The following CTTNBP2 variants were observed in gnomAD, a reference collection of about 807,000 sequenced individuals.
CTTNBP2 encodes cortactin binding protein 2, also known as cortactin-binding protein 2.
A neutral mutation model predicts 156.9 loss-of-function variants in CTTNBP2; 108 were observed. That is an observed-to-expected ratio of 0.69 (90% CI 0.59 to 0.81). The LOEUF is 0.81. Ranked by LOEUF, CTTNBP2 falls within the 30% of genes least tolerant of loss-of-function variation. The probability of loss-of-function intolerance (pLI) is 0.00; values close to 1 mark genes in which losing one functional copy is unlikely to be tolerated. For synonymous variants in CTTNBP2, 767 were observed against 751.8 expected (o/e 1.02, Z -0.33); for missense variants, 1,924 against 2,035.4 (o/e 0.95, Z 1.05).
At chr7:117,843,574 C>A (rs1802398816) in intron 2 of CTTNBP2, among the ~76,000 whole-genome samples, 1 of 152,068 alleles carries the variant, frequency 6.6e-6, no homozygotes, top group Admixed American at 6.6e-5. Context: ...AGGAATGATG[C>A]TAAGAAGCAA....
chr7:117,865,550 C>T (rs771285738), intron 1 of CTTNBP2, among the ~76,000 whole-genome samples: 1 of 150,330 alleles, frequency 6.7e-6, no homozygotes, highest in Non-Finnish European at 1.5e-5. Flanking sequence ...GTGGCATGCA[C>T]CTGTAGTCCC....
chr7:117,855,613 C>T (rs6976111), intron 2 of CTTNBP2, among the ~76,000 whole-genome samples: 3 of 152,016 alleles, frequency 2.0e-5, no homozygotes, highest in African/African-American at 4.8e-5. Context: ...CAGCTCCCCC[C>T]AAACAGCAAA....
intron 14 of CTTNBP2, among the ~76,000 whole-genome samples, chr7:117,742,633 G>A (rs1277540432): frequency 2.0e-5 from 3 of 152,066 alleles, no homozygotes; most frequent in Admixed American, 6.5e-5. Flanking sequence ...AAGTAAGATG[G>A]TGCTGATGGA....
At chr7:117,865,019 A>G (rs1044690286) in intron 1 of CTTNBP2, among the ~76,000 whole-genome samples, 1 of 149,196 alleles carries the variant, frequency 6.7e-6, no homozygotes, top group Admixed American at 6.7e-5. Flanking sequence ...TCTTAGATGC[A>G]TATGGTACAA....
At chr7:117,740,480 C>G (rs1394337310) in intron 14 of CTTNBP2, among the ~76,000 whole-genome samples, 1 of 152,128 alleles carries the variant, frequency 6.6e-6, no homozygotes, top group Non-Finnish European at 1.5e-5. Flanking sequence ...TAGTTTAAGG[C>G]TCTCTCTTTA....
rs373037834 is a variant in CTTNBP2 at position 117,791,546 on chromosome 7, T to C, written c.1650A>G (p.Pro550=). 2.5e-5 allele frequency: 40 copies of C among 1,614,022 alleles called. No homozygotes were observed. The highest frequency in any genetic ancestry group is 3.1e-5 in the Non-Finnish European group (37 of 1,180,024). The change falls in exon 4 of 23, where the codon CCA becomes CCG. Residue 550 remains proline (P), a synonymous_variant. Coordinates refer to ENST00000160373, the MANE Select transcript of CTTNBP2 (RefSeq NM_033427.3). ...GTGGAGAAGGAGTTTGGGAGAGCCC[T>C]GGCTTTTTTGGAGGGATAGGAGGAG... ...GNPPPIPPKK[P]GLSQTPSPPH... is the part of the protein sequence containing the mutation.
At chr7:117,724,814 ACTGTTC>A in intron 18 of CTTNBP2, 82 bp from the exon 19 acceptor site, 1 of 1,486,350 alleles carries the variant, frequency 6.7e-7, no homozygotes, top group Non-Finnish European at 9.2e-7. Context: ...AAAGATACGG[ACTGTTC>A]AAAATAATGC....
At chr7:117,866,451 A>G (rs1242598172) in intron 1 of CTTNBP2, among the ~76,000 whole-genome samples, 1 of 152,140 alleles carries the variant, frequency 6.6e-6, no homozygotes, top group Non-Finnish European at 1.5e-5. Context: ...TGGTGACCAA[A>G]CACAAACTCA....
At chr7:117,819,367 T>TCTCTCTCTCTCA (rs1236694379) in intron 2 of CTTNBP2, among the ~76,000 whole-genome samples, 2 of 130,610 alleles carry the variant, frequency 1.5e-5, no homozygotes, top group Non-Finnish European at 3.4e-5. Flanking sequence ...TCTCTCTCTC[T>TCTCTCTCTCTCA]CACACACACA....
intron 7 of CTTNBP2, among the ~76,000 whole-genome samples, chr7:117,780,052 G>A (rs923573423): frequency 1.3e-5 from 2 of 152,218 alleles, no homozygotes; most frequent in Non-Finnish European, 2.9e-5. Context: ...GAGCCACCAC[G>A]CCCAGCCACA....
chr7:117,725,142 G>T lies in CTTNBP2; in HGVS notation c.4171C>A (p.Pro1391Thr). The T allele has an allele frequency of 6.2e-7, 1 of 1,613,602 alleles. No individual in the cohort carries two copies. Among genetic ancestry groups the T allele is most frequent in the Non-Finnish European group, 8.5e-7 (1 of 1,180,010 alleles). Residue 1391 changes from proline (P) to threonine (T), a missense_variant, in exon 18 of 23, where the codon CCT becomes ACT. Transcript: ENST00000160373. ...ACCACAGCCTGCTGTCCTTGGCTAG[G>T]GTGTCTTTTAGCAGTTGTCTGCCCA... Reference protein sequence around the residue: ...GFGQTTAKRHPSQGQQAVVKA... With the variant: ...GFGQTTAKRHTSQGQQAVVKA...
intron 8 of CTTNBP2, among the ~76,000 whole-genome samples, chr7:117,773,329 AGT>A (rs1432916605): frequency 6.6e-6 from 1 of 152,226 alleles, no homozygotes; most frequent in East Asian, 1.9e-4. Flanking sequence ...TGGCTGCTAC[AGT>A]GTGAGTAGAA....
chr7:117,873,248 G>T, intron 1 of CTTNBP2, 87 bp downstream of exon 1: 4 of 1,044,470 alleles, frequency 3.8e-6, no homozygotes, highest in Non-Finnish European at 5.0e-6. Context: ...CGCCCCGGGG[G>T]TGCGAAGTCG....
At chr7:117,770,672 G>A (rs1221790696) in intron 8 of CTTNBP2, among the ~76,000 whole-genome samples, 1 of 152,222 alleles carries the variant, frequency 6.6e-6, no homozygotes, top group Admixed American at 6.5e-5. Flanking sequence ...TCAGGGAGGA[G>A]TGCAAAGTGT....
Position 117,792,005 on chromosome 7 carries a change from G to C in CTTNBP2, c.1191C>G (p.Ser397Arg), listed in dbSNP as rs1417546217. The change falls in exon 4 of 23, where the codon AGC becomes AGG. Residue 397 changes from serine to arginine, a missense_variant. Transcript: ENST00000160373. The surrounding 1 kb of genome is among the most constrained non-coding windows in gnomAD (Gnocchi z 4.2). ...STGSTPDPTS[S>R]TPPLPSNAAP... ...CAGCGTTACTGGGAAGTGGGGGTGTGCTACTGGTTGGATCTGGTGTTGAGC... is the reference window on the plus strand; with the variant it reads ...CAGCGTTACTGGGAAGTGGGGGTGTCCTACTGGTTGGATCTGGTGTTGAGC... 2 of 1,614,124 alleles carry C rather than the reference G, an allele frequency of 1.2e-6. No homozygotes were observed. Among genetic ancestry groups the C allele is most frequent in the Admixed American group, 3.3e-5 (2 of 60,010 alleles).
At chr7:117,761,871 C>A (rs36026875) in intron 9 of CTTNBP2, among the ~76,000 whole-genome samples, 15,253 of 152,114 alleles carry the variant, frequency 0.1, 1,150 homozygotes, top group African/African-American at 0.21. Flanking sequence ...TGTTTTAAAA[C>A]AACATGTGTT....
intron 2 of CTTNBP2, among the ~76,000 whole-genome samples, chr7:117,813,983 T>C (rs2116985571): frequency 6.6e-6 from 1 of 152,334 alleles, no homozygotes; most frequent in East Asian, 1.9e-4. Flanking sequence ...TTATGATGAG[T>C]TATCTGCTGA....
At chr7:117,862,699 G>A (rs541194524) in intron 1 of CTTNBP2, among the ~76,000 whole-genome samples, 9 of 152,084 alleles carry the variant, frequency 5.9e-5, no homozygotes, top group Non-Finnish European at 1.2e-4. Context: ...CTGTAGACTC[G>A]CCCTCAGAAG....
At chr7:117,783,459 T>A (rs1798540773) in intron 5 of CTTNBP2, among the ~76,000 whole-genome samples, 1 of 152,214 alleles carries the variant, frequency 6.6e-6, no homozygotes, top group Non-Finnish European at 1.5e-5. Flanking sequence ...TGAATGAGGC[T>A]AAAGGACAGC....
Sources: allele counts gnomAD v4.1 joint callset (sites outside exome capture counted in the v4.1 genomes callset), GRCh38; gene constraint gnomAD v4.1.1; non-coding constraint Gnocchi (gnomAD v3.1); transcripts MANE v1.5; gene names NCBI Gene and HGNC (gene_info 2026-07-23, HGNC 2026-07-21).